WDR31: variants seen among roughly 807,000 people sequenced by gnomAD.
WDR31 encodes the protein WD repeat domain 31, also known as WD repeat-containing protein 31.
WDR31 carries 30 observed loss-of-function variants against 47.3 expected under a neutral mutation model. The ratio of observed to expected loss-of-function variants is 0.63; its 90% CI spans 0.47 to 0.86. The LOEUF (loss-of-function observed/expected upper bound fraction) is 0.86, where lower values mean the gene tolerates loss of function less well. Ranked by LOEUF, WDR31 falls within the 40% of genes least tolerant of loss-of-function variation. The pLI is 0.00. For synonymous variants in WDR31, 137 were observed against 159.4 expected (o/e 0.86, Z 1.06); for missense variants, 406 against 442.9 (o/e 0.92, Z 0.75).
chr9:113,322,025 C>A (rs1833336029), intron 7 of WDR31, among the ~76,000 whole-genome samples: 1 of 152,006 alleles, frequency 6.6e-6, no homozygotes, highest in African/African-American at 2.4e-5. Flanking sequence ...CTTCCAGTAA[C>A]CTCCACCAAT....
chr9:113,313,252 C>T lies in WDR31; in HGVS notation c.*3497G>A, dbSNP rs1833115392. The T allele has an allele frequency of 6.6e-6, 1 of 152,210 alleles. No homozygotes were observed. The highest frequency in any genetic ancestry group is 2.1e-4 in the South Asian group (1 of 4,834). 9.4% of individuals were successfully genotyped at this position (152,210 alleles called of 1,614,324 possible). On this transcript the variant is annotated 3_prime_UTR_variant, in exon 11 of 11. Coordinates refer to ENST00000374193, the MANE Select transcript of WDR31 (RefSeq NM_001012361.4). ...TTTATGGAAACAATTTTATTGGTAA[C>T]AGAACCCTACTAACTCATCAGAGCC...
intron 2 of WDR31, among the ~76,000 whole-genome samples, chr9:113,334,303 G>A (rs1290958922): frequency 6.6e-6 from 1 of 152,266 alleles, no homozygotes; most frequent in African/African-American, 2.4e-5. Flanking sequence ...ATAATAGACT[G>A]AATGCAGAAG....
At chr9:113,322,134 C>T (rs1833338189) in intron 7 of WDR31, among the ~76,000 whole-genome samples, 1 of 151,234 alleles carries the variant, frequency 6.6e-6, no homozygotes, top group Admixed American at 6.6e-5. Flanking sequence ...AAAAGAACAT[C>T]TAGTATGGGT....
chr9:113,324,337 CATA>C (rs1413244524), intron 5 of WDR31, among the ~76,000 whole-genome samples: 4 of 151,354 alleles, frequency 2.6e-5, no homozygotes, highest in African/African-American at 9.7e-5. Flanking sequence ...TCTTACTTAG[CATA>C]ATGTTTTCAG....
At chr9:113,335,180 C>T (rs1833690053) in intron 2 of WDR31, among the ~76,000 whole-genome samples, 1 of 152,212 alleles carries the variant, frequency 6.6e-6, no homozygotes, top group Admixed American at 6.5e-5. Context: ...ATGAATTATG[C>T]ATTCAAAGGT....
At chr9:113,339,036 A>G (rs1234056320) in intron 1 of WDR31, among the ~76,000 whole-genome samples, 2 of 152,178 alleles carry the variant, frequency 1.3e-5, no homozygotes, top group Non-Finnish European at 2.9e-5. Context: ...GAAAGGCTGG[A>G]GAGGACATGG....
intron 5 of WDR31, among the ~76,000 whole-genome samples, chr9:113,323,676 C>G (rs974810460): frequency 6.6e-6 from 1 of 152,246 alleles, no homozygotes; most frequent in African/African-American, 2.4e-5. Flanking sequence ...CTTTATGTAG[C>G]AGATTTCCTC....
intron 5 of WDR31, among the ~76,000 whole-genome samples, chr9:113,323,949 C>T (rs1833391599): frequency 6.6e-6 from 1 of 152,218 alleles, no homozygotes; most frequent in Non-Finnish European, 1.5e-5. Context: ...ATCATCCCAA[C>T]TCCTGCTCTG....
Position 113,316,921 on chromosome 9 carries a change from A to C in WDR31, c.944-12T>G. On this transcript the variant is annotated splice_polypyrimidine_tract_variant and intron_variant, in intron 10 of 10. Transcript: ENST00000374193. ...GGTGAAAAGGCAGGCTGGGGGGGAA[A>C]GGGGGACCAGCAGATTAGGCCAAGA... The C allele has an allele frequency of 6.2e-7, 1 of 1,612,548 alleles. No homozygotes were observed. The highest frequency in any genetic ancestry group is 2.2e-5 in the East Asian group (1 of 44,878).
intron 4 of WDR31, among the ~76,000 whole-genome samples, chr9:113,329,494 G>C (rs1334126983): frequency 6.8e-6 from 1 of 147,542 alleles, no homozygotes. Flanking sequence ...TACAAAATAA[G>C]CCAGGTGTGG....
chr9:113,320,066 C>T (rs1190502261), intron 9 of WDR31, among the ~76,000 whole-genome samples: 1 of 152,200 alleles, frequency 6.6e-6, no homozygotes, highest in African/African-American at 2.4e-5. Flanking sequence ...ACTACAGGCA[C>T]ATGCCACCAT....
At chr9:113,328,412 T>C (rs771024203) in intron 5 of WDR31, among the ~76,000 whole-genome samples, 2 of 152,238 alleles carry the variant, frequency 1.3e-5, no homozygotes, top group Non-Finnish European at 2.9e-5. Flanking sequence ...AAATTGGCAT[T>C]CTCTATCATT....
chr9:113,318,952 T>C (rs1833269727), intron 9 of WDR31, among the ~76,000 whole-genome samples: 1 of 152,260 alleles, frequency 6.6e-6, no homozygotes, highest in Non-Finnish European at 1.5e-5. Context: ...TGTTCCATCA[T>C]GGGGAACCCA....
intron 9 of WDR31, among the ~76,000 whole-genome samples, 196 bp downstream of exon 9, chr9:113,320,161 C>T (rs912623922): frequency 1.3e-5 from 2 of 152,202 alleles, no homozygotes; most frequent in African/African-American, 4.8e-5. Flanking sequence ...CTCAATTAAT[C>T]CTCCCGCCTT....
intron 1 of WDR31, among the ~76,000 whole-genome samples, chr9:113,338,633 T>C (rs1036446700): frequency 4.2e-5 from 6 of 143,642 alleles, no homozygotes; most frequent in East Asian, 4.0e-4. Flanking sequence ...TTTTTTTTTT[T>C]CTGAGATGGA....
Position 113,324,844 on chromosome 9 carries a change from G to A in WDR31, c.325-1689C>T, listed in dbSNP as rs1000228024. On this transcript the variant is annotated intron_variant, in intron 5 of 10. Transcript: ENST00000374193. ...TATATATATATGTGTGTGTGTGTGT[G>A]TGTGTGTGTGTGTGTGTGTGTGTGT... is the stretch of plus-strand genomic sequence containing the variant. 5.4e-3 allele frequency among the ~76,000 whole-genome samples: 628 copies of A among 116,504 alleles called. 7 individuals carry two copies. Among genetic ancestry groups the A allele is most frequent in the African/African-American group, 0.018 (579 of 32,490 alleles). 76.4% of individuals were successfully genotyped at this position (116,504 alleles called of 152,430 possible).
chr9:113,339,173 T>C (rs1833777292), intron 1 of WDR31, among the ~76,000 whole-genome samples: 1 of 152,178 alleles, frequency 6.6e-6, no homozygotes, highest in Non-Finnish European at 1.5e-5. Flanking sequence ...GGATATCCAG[T>C]AGTCACTCTA....
At chr9:113,330,283 T>C (rs766984330) in intron 4 of WDR31, among the ~76,000 whole-genome samples, 1 of 152,074 alleles carries the variant, frequency 6.6e-6, no homozygotes, top group Non-Finnish European at 1.5e-5. Flanking sequence ...GTATTTTTAG[T>C]AGAGATGGGG....
At chr9:113,340,070 G>A (rs373455962) in intron 1 of WDR31, 147 bp downstream of exon 1, 1 of 152,376 alleles carries the variant, frequency 6.6e-6, no homozygotes. Context: ...GGAAAGCGGG[G>A]AGAAGAGTCC....
Sources: gnomAD v4.1 joint callset for allele counts (sites outside exome capture counted in the v4.1 genomes callset) on GRCh38, gnomAD v4.1.1 for gene constraint, MANE v1.5 for transcripts, NCBI Gene and HGNC (gene_info 2026-07-23, HGNC 2026-07-21) for gene names.